Variants in RABAC1 observed in about 807,000 individuals in gnomAD.
The protein encoded by RABAC1 is Rab acceptor 1, also known as prenylated Rab acceptor protein 1.
RABAC1 carries 16 observed loss-of-function variants against 22.9 expected under a neutral mutation model. The observed-to-expected ratio is 0.70, with a 90% CI of 0.47 to 1.06. RABAC1 has a LOEUF of 1.06. Ranked by LOEUF, RABAC1 falls within the 50% of genes least tolerant of loss-of-function variation. The pLI, the probability that RABAC1 is intolerant of heterozygous loss-of-function variation, is 0.00. For synonymous variants in RABAC1, 139 were observed against 107.7 expected, an observed-to-expected ratio of 1.29 and a Z score of -1.80; for missense variants, 227 against 246.5, an observed-to-expected ratio of 0.92 and a Z score of 0.53.
intron 2 of RABAC1, 54 bp downstream of exon 2, chr19:41,958,682 G>A: frequency 1.2e-5 from 18 of 1,551,748 alleles, no homozygotes; most frequent in Non-Finnish European, 1.5e-5. Flanking sequence ...GCGGCGAGAG[G>A]AGGGGTCCAG....
Position 41,956,745 on chromosome 19 carries a change from A to T in RABAC1, c.*101T>A. On this transcript the variant is annotated 3_prime_UTR_variant, in exon 5 of 5. Transcript: ENST00000222008. Reference sequence around the variant, plus strand: ...GGCGGGATCCCTCCCCGGGCTTGTGATGGGACGGCGCTGTGGGCCCGAGCA... The same window carrying T: ...GGCGGGATCCCTCCCCGGGCTTGTGTTGGGACGGCGCTGTGGGCCCGAGCA... The T allele has an allele frequency of 1.8e-6, 2 of 1,099,578 alleles. No individual in the cohort carries two copies. Among genetic ancestry groups the T allele is most frequent in the Non-Finnish European group, 2.6e-6 (2 of 775,904 alleles). The allele number at this position is 1,099,578 out of a possible 1,614,324, so 68.1% of individuals were successfully genotyped here.
chr19:41,957,244 C>G, intron 3 of RABAC1, 125 bp from the exon 4 acceptor site: 1 of 753,032 alleles, frequency 1.3e-6, no homozygotes, highest in East Asian at 2.7e-5. Flanking sequence ...ACTCCTCATG[C>G]CAAGGCCCTC....
At position 41,956,920 on chromosome 19, in the gene RABAC1, C is replaced by A. The variant is rs1555856758; in HGVS notation, c.484G>T (p.Val162Phe). Reference sequence around the variant, plus strand: ...TGGAAGGCAGCGTGGGAGCCGATGACCACCAGGGTGGCTCCTGCAGGAAAG... The same window carrying A: ...TGGAAGGCAGCGTGGGAGCCGATGAACACCAGGGTGGCTCCTGCAGGAAAG... ...VFWVLGATLV[V>F]IGSHAAFHQI... Residue 162 changes from valine (V) to phenylalanine (F), a missense_variant, in exon 5 of 5, where the codon GTC (valine) becomes TTC (phenylalanine). Coordinates refer to ENST00000222008, the MANE Select transcript of RABAC1 (RefSeq NM_006423.3). The A allele has an allele frequency of 6.2e-7, 1 of 1,612,918 alleles. No individual in the cohort carries two copies. Among genetic ancestry groups the A allele is most frequent in the South Asian group, 1.1e-5 (1 of 91,062 alleles).
At position 41,958,827 on chromosome 19, in the gene RABAC1, G is replaced by A. The variant is rs782281000; in HGVS notation, c.178C>T (p.Leu60=). 6.2e-7 allele frequency: 1 copy of A among 1,610,774 alleles called. No homozygotes were observed. Among genetic ancestry groups the A allele is most frequent in the Non-Finnish European group, 8.5e-7 (1 of 1,179,836 alleles). ...DQQRFSRPRN[L]GELCQRLVRN... Reference sequence around the variant, plus strand: ...ACGAGGCGCTGGCACAGCTCTCCCAGGTTGCGGGGCCGTGAGAAGCGCTGC... The same window carrying A: ...ACGAGGCGCTGGCACAGCTCTCCCAAGTTGCGGGGCCGTGAGAAGCGCTGC... The change falls in exon 2 of 5, where the codon CTG becomes TTG. Residue 60 remains leucine, a synonymous_variant. Coordinates refer to ENST00000222008, the MANE Select transcript of RABAC1 (RefSeq NM_006423.3).
In RABAC1 at chr19:41,958,371, A is replaced by T. The variant is rs2074999424; in HGVS notation, c.282T>A (p.Pro94=). Residue 94 remains proline, a synonymous_variant, in exon 3 of 5, where the codon CCT becomes CCA. Coordinates refer to ENST00000222008, the MANE Select transcript of RABAC1 (RefSeq NM_006423.3). ...GLILYCVVTS[P]MLLVALAVFF... is the part of the protein sequence containing the mutation. The stretch of plus-strand genomic sequence containing the variant: ...AGACAGCCAGAGCCACCAGCAACAT[A>T]GGGGACGTCACCCTGGAGGAGGAGT... The T allele has an allele frequency of 1.9e-6, 3 of 1,613,278 alleles. No individual in the cohort carries two copies. In the South Asian group the frequency reaches 3.3e-5, roughly 18 times the overall value.
intron 1 of RABAC1, 108 bp downstream of exon 1, chr19:41,959,129 C>A (rs782229536): frequency 2.7e-6 from 4 of 1,498,040 alleles, no homozygotes; most frequent in South Asian, 1.2e-5. Flanking sequence ...GCCAACACTT[C>A]TGCGGCTCGG....
At chr19:41,958,532 G>A (rs1429217078) in intron 2 of RABAC1, 149 bp from the exon 3 acceptor site, 2 of 919,960 alleles carry the variant, frequency 2.2e-6, no homozygotes, top group Non-Finnish European at 3.4e-6. Flanking sequence ...TCCTGGCCAG[G>A]GTGATGGTGG....
chr19:41,958,829 T>A lies in RABAC1; in HGVS notation c.176A>T (p.Asn59Ile). 6.2e-7 allele frequency: 1 copy of A among 1,610,568 alleles called. No homozygotes were observed. Among genetic ancestry groups the A allele is most frequent in the South Asian group, 1.1e-5 (1 of 91,058 alleles). ...GAGGCGCTGGCACAGCTCTCCCAGG[T>A]TGCGGGGCCGTGAGAAGCGCTGCTG... ...VDQQRFSRPR[N>I]LGELCQRLVR... is the part of the protein sequence containing the mutation. Residue 59 changes from asparagine (N) to isoleucine (I), a missense_variant, in exon 2 of 5, where the codon AAC (asparagine) becomes ATC (isoleucine). Asn to Ile is a moderately radical substitution (Grantham distance 149, BLOSUM62 -3). Transcript: ENST00000222008.
At chr19:41,958,138 G>A (rs2074998282) in intron 3 of RABAC1, 148 bp downstream of exon 3, 1 of 675,506 alleles carries the variant, frequency 1.5e-6, no homozygotes, top group Non-Finnish European at 2.6e-6. Context: ...GAGATTTTAA[G>A]GGATCAGGTT....
chr19:41,959,166 G>A (rs1555857340), intron 1 of RABAC1, 71 bp downstream of exon 1: 2 of 1,591,944 alleles, frequency 1.3e-6, no homozygotes, highest in African/African-American at 2.7e-5. Context: ...TCTCGAGGGA[G>A]GAGGGAGGAG....
rs2075001128 is a variant in RABAC1, at chr19:41,958,646, A to T, written c.269+90T>A. ...AGGGCCCTGGGCGGTGAGAGGAGGG[A>T]CCGGGCGGTGAAGGGCGGGGCCTGA... is the stretch of plus-strand genomic sequence containing the variant. On this transcript the variant is annotated intron_variant, in intron 2 of 4. Coordinates refer to ENST00000222008, the MANE Select transcript of RABAC1 (RefSeq NM_006423.3). 6.5e-6 allele frequency: 9 copies of T among 1,382,662 alleles called. No individual in the cohort carries two copies. In the South Asian group the frequency reaches 1.2e-4, roughly 18 times the overall value. 85.6% of individuals were successfully genotyped at this position (1,382,662 alleles called of 1,614,324 possible).
intron 4 of RABAC1, 40 bp from the exon 5 acceptor site, chr19:41,956,974 C>T: frequency 1.9e-6 from 3 of 1,612,978 alleles, no homozygotes; most frequent in Non-Finnish European, 2.5e-6. Context: ...ACTCCTGCAC[C>T]TGGCTCCCAC....
chr19:41,959,262 C>T lies in RABAC1; in HGVS notation c.31G>A (p.Ala11Thr). 6.2e-7 allele frequency: 1 copy of T among 1,613,676 alleles called. No individual in the cohort carries two copies. Among genetic ancestry groups the T allele is most frequent in the Non-Finnish European group, 8.5e-7 (1 of 1,179,936 alleles). Residue 11 changes from alanine (A) to threonine (T), a missense_variant, in exon 1 of 5, where the codon GCC (alanine) becomes ACC (threonine). Ala to Thr is a moderately conservative substitution (Grantham distance 58). Transcript: ENST00000222008. MAAQKDQQKDAEAEGLSGTTL... is the reference protein window; with the variant it reads MAAQKDQQKDTEAEGLSGTTL... ...GTGCCGCTCAGCCCTTCCGCCTCGGCATCTTTCTGCTGGTCCTTCTGCGCT... is the reference window on the plus strand; with the variant it reads ...GTGCCGCTCAGCCCTTCCGCCTCGGTATCTTTCTGCTGGTCCTTCTGCGCT...
chr19:41,957,119 C>G lies in RABAC1; in HGVS notation c.368G>C (p.Gly123Ala). 1.2e-6 allele frequency: 2 copies of G among 1,613,302 alleles called. No homozygotes were observed. The highest frequency in any genetic ancestry group is 1.7e-6 in the Non-Finnish European group (2 of 1,179,800). The change falls in exon 4 of 5, where the codon GGC becomes GCC. Residue 123 changes from glycine (G) to alanine (A), a missense_variant and splice_region_variant. By Grantham distance (60) the Gly-to-Ala change is moderately conservative (BLOSUM62 0). Transcript: ENST00000222008. ...CTGATGCGCTGGGCTCACCTCTCGGCCTGGGGGCAGATGGCATTGGGGTGC... is the reference window on the plus strand; with the variant it reads ...CTGATGCGCTGGGCTCACCTCTCGGGCTGGGGGCAGATGGCATTGGGGTGC... ...RTLESKLVLF[G>A]REVSPAHQYA... is the part of the protein sequence containing the mutation.
rs782097718 is a variant in RABAC1, at chr19:41,957,117, G to A, written c.370C>T (p.Arg124Ter). The A allele has an allele frequency of 8.1e-6, 13 of 1,613,106 alleles. No homozygotes were observed. Among genetic ancestry groups the A allele is most frequent in the South Asian group, 6.6e-5 (6 of 91,054 alleles). Residue 124 changes from arginine (R) to a stop codon, truncating the protein, a stop_gained and splice_region_variant, in exon 4 of 5, where the codon CGA becomes TGA. Transcript: ENST00000222008. LOFTEE classifies it high-confidence loss of function. ...TLESKLVLFG[R>*]EVSPAHQYAL... ...TACTGATGCGCTGGGCTCACCTCTCGGCCTGGGGGCAGATGGCATTGGGGT... is the reference window on the plus strand; with the variant it reads ...TACTGATGCGCTGGGCTCACCTCTCAGCCTGGGGGCAGATGGCATTGGGGT...
At chr19:41,958,179 C>A (rs1421639156) in intron 3 of RABAC1, 107 bp downstream of exon 3, 2 of 1,049,938 alleles carry the variant, frequency 1.9e-6, no homozygotes, top group Non-Finnish European at 1.4e-6. Context: ...TAGGCTTGGG[C>A]GGACTTGGGT....
At chr19:41,959,006 AAAG>A (rs2075003525) in intron 1 of RABAC1, 58 bp from the exon 2 acceptor site, 1 of 1,479,664 alleles carries the variant, frequency 6.8e-7, no homozygotes, top group Admixed American at 2.2e-5. Context: ...GACCCCCGCA[AAAG>A]AAGGGGACTA....
At chr19:41,958,243 G>C in intron 3 of RABAC1, 43 bp downstream of exon 3, 1 of 1,557,100 alleles carries the variant, frequency 6.4e-7, no homozygotes, top group Non-Finnish European at 8.8e-7. Flanking sequence ...AAAAGACCAA[G>C]ATTTGAGGGA....
In RABAC1 at chr19:41,958,899, C is replaced by T; in HGVS notation, c.106G>A (p.Glu36Lys). 1 of 1,595,684 alleles carries T rather than the reference C, an allele frequency of 6.3e-7. No homozygotes were observed. Among genetic ancestry groups the T allele is most frequent in the Non-Finnish European group, 8.5e-7 (1 of 1,175,202 alleles). The change falls in exon 2 of 5, where the codon GAG (glutamate) becomes AAG (lysine). Residue 36 changes from glutamate to lysine, a missense_variant. Physicochemically the swap from Glu to Lys is moderately conservative, Grantham distance 56 (BLOSUM62 1). Transcript: ENST00000222008. ...GGCCGGATGGTCGCGCGGCGCCGCT[C>T]CAGCCACTCCCGGCCTGCACCGGAG... ...IPSGAGREWL[E>K]RRRATIRPWS...
Sources: allele counts gnomAD v4.1 joint callset, GRCh38; gene constraint gnomAD v4.1.1; transcripts MANE v1.5; gene names NCBI Gene and HGNC (gene_info 2026-07-23, HGNC 2026-07-21).